Variants in RTP3 observed in about 807,000 individuals in gnomAD.
The protein encoded by RTP3 is receptor transporter protein 3, also known as receptor-transporting protein 3.
In RTP3, 2 loss-of-function variants were observed where a neutral mutation model predicts 6.2. The observed-to-expected ratio is 0.32, with a 90% confidence interval of 0.13 to 1.02. RTP3 has a LOEUF of 1.02. RTP3 is among the 50% of genes least tolerant of loss of function. The pLI is 0.47. For synonymous variants in RTP3, 106 were observed against 98.3 expected, an observed-to-expected ratio of 1.08 and a Z score of -0.47; for missense variants, 252 against 280.8, an observed-to-expected ratio of 0.90 and a Z score of 0.73.
intron 1 of RTP3, 49 bp from the exon 2 acceptor site, chr3:46,500,307 G>A (rs201696403): frequency 4.6e-6 from 7 of 1,534,296 alleles, no homozygotes; most frequent in East Asian, 2.3e-5. Flanking sequence ...GCAGTTCCCC[G>A]TGATTTGGTC....
In RTP3 at chr3:46,500,870, G is replaced by T. The variant is rs781418653; in HGVS notation, c.670G>T (p.Val224Leu). 1.9e-6 allele frequency: 3 copies of T among 1,585,156 alleles called. No individual in the cohort carries two copies. The highest frequency in any genetic ancestry group is 2.6e-6 in the Non-Finnish European group (3 of 1,168,376). Residue 224 changes from valine to leucine, a missense_variant, in exon 2 of 2, where the codon GTG becomes TTG. By Grantham distance (32) the Val-to-Leu change is conservative (BLOSUM62 1). Transcript: ENST00000296142. Reference sequence around the variant, plus strand: ...CTGTTGTGTCATTCTCATTGTTATCGTGGTGATTGTTGTAAAAACTGCTAT... The same window carrying T: ...CTGTTGTGTCATTCTCATTGTTATCTTGGTGATTGTTGTAAAAACTGCTAT... ...FCCCVILIVI[V>L]VIVVKTAI
chr3:46,500,469 C>T lies in RTP3; in HGVS notation c.269C>T (p.Thr90Ile). Residue 90 changes from threonine (T) to isoleucine (I), a missense_variant, in exon 2 of 2, where the codon ACC (threonine) becomes ATC (isoleucine). By Grantham distance (89) the Thr-to-Ile change is moderately conservative (BLOSUM62 -1). Coordinates refer to ENST00000296142, the MANE Select transcript of RTP3 (RefSeq NM_031440.2). ...SRGQVKMRVF[T>I]QRCKKCPQPL... ...GGCCAGGTGAAGATGAGGGTGTTTA[C>T]CCAGAGATGTAAGAAGTGCCCCCAA... The T allele has an allele frequency of 1.9e-6, 3 of 1,614,168 alleles. No homozygotes were observed. The highest frequency in any genetic ancestry group is 2.5e-6 in the Non-Finnish European group (3 of 1,180,024).
chr3:46,500,771 C>G lies in RTP3; in HGVS notation c.571C>G (p.Pro191Ala), dbSNP rs1703700098. 6.2e-7 allele frequency: 1 copy of G among 1,614,046 alleles called. No individual in the cohort carries two copies. Among genetic ancestry groups the G allele is most frequent in the Non-Finnish European group, 8.5e-7 (1 of 1,180,036 alleles). The change falls in exon 2 of 2, where the codon CCC becomes GCC. Residue 191 changes from proline to alanine, a missense_variant. Coordinates refer to ENST00000296142, the MANE Select transcript of RTP3 (RefSeq NM_031440.2). ...SIYKVEEVVK[P>A]WASGENVYSY... ...TTACAAGGTGGAGGAGGTAGTTAAG[C>G]CCTGGGCCTCAGGAGAGAATGTCTA...
Position 46,498,066 on chromosome 3 carries a change from G to C in RTP3, c.4G>C (p.Ala2Pro), listed in dbSNP as rs759583727. The change falls in exon 1 of 2, where the codon GCT (alanine) becomes CCT (proline). Residue 2 changes from alanine to proline, a missense_variant. Transcript: ENST00000296142. M[A>P]GDTEVWKQMF... is the part of the protein sequence containing the mutation. ...CAGGCACACCATAGCCCCAGAGATG[G>C]CTGGGGACACAGAAGTGTGGAAGCA... is the stretch of plus-strand genomic sequence containing the variant. 1.2e-6 allele frequency: 2 copies of C among 1,613,990 alleles called. No individual in the cohort carries two copies. The highest frequency in any genetic ancestry group is 1.3e-5 in the African/African-American group (1 of 74,928).
chr3:46,498,071 G>T lies in RTP3; in HGVS notation c.9G>T (p.Gly3=). ...ACACCATAGCCCCAGAGATGGCTGG[G>T]GACACAGAAGTGTGGAAGCAAATGT... MA[G]DTEVWKQMFQ... The change falls in exon 1 of 2, where the codon GGG becomes GGT. Residue 3 remains glycine (G), a synonymous_variant. Coordinates refer to ENST00000296142, the MANE Select transcript of RTP3 (RefSeq NM_031440.2). 1 of 1,614,124 alleles carries T rather than the reference G, an allele frequency of 6.2e-7. No homozygotes were observed. Among genetic ancestry groups the T allele is most frequent in the Non-Finnish European group, 8.5e-7 (1 of 1,180,028 alleles).
At position 46,500,382 on chromosome 3, in the gene RTP3, A is replaced by C. The variant is rs1438012011; in HGVS notation, c.182A>C (p.Asn61Thr). 6.2e-7 allele frequency: 1 copy of C among 1,612,710 alleles called. No individual in the cohort carries two copies. The highest frequency in any genetic ancestry group is 8.5e-7 in the Non-Finnish European group (1 of 1,179,584). Residue 61 changes from asparagine to threonine, a missense_variant, in exon 2 of 2, where the codon AAC becomes ACC. Transcript: ENST00000296142. Reference protein sequence around the residue: ...ARFQCSSCSRNWASAQVLVLF... With the variant: ...ARFQCSSCSRTWASAQVLVLF... The stretch of plus-strand genomic sequence containing the variant: ...TTCCAGTGCTCCTCCTGCTCTCGTA[A>C]CTGGGCCTCTGCCCAAGTTCTGGTC...
chr3:46,500,249 C>G (rs1349962750), intron 1 of RTP3, 107 bp from the exon 2 acceptor site: 1 of 1,240,144 alleles, frequency 8.1e-7, no homozygotes, highest in Non-Finnish European at 1.1e-6. Flanking sequence ...AGCCACAGCC[C>G]CAGTCAAGTC....
At chr3:46,499,619 G>T (rs1328203088) in intron 1 of RTP3, among the ~76,000 whole-genome samples, 2 of 152,154 alleles carry the variant, frequency 1.3e-5, no homozygotes, top group African/African-American at 2.4e-5. Flanking sequence ...CTCAAAAACT[G>T]CCCTCCTCCC....
Position 46,500,368 on chromosome 3 carries a change from C to T in RTP3, c.168C>T (p.Ser56=), listed in dbSNP as rs375275359. 2.3e-4 allele frequency: 376 copies of T among 1,609,296 alleles called. No individual in the cohort carries two copies. The highest frequency in any genetic ancestry group is 3.9e-4 in the Admixed American group (23 of 59,628). ...QQWTFARFQC[S]SCSRNWASAQ... ...TCTGTCTCCACAGGTTCCAGTGCTC[C>T]TCCTGCTCTCGTAACTGGGCCTCTG... The change falls in exon 2 of 2, where the codon TCC becomes TCT. Residue 56 remains serine, a synonymous_variant. Transcript: ENST00000296142.
At chr3:46,499,151 A>G (rs868282571) in intron 1 of RTP3, among the ~76,000 whole-genome samples, 6 of 152,220 alleles carry the variant, frequency 3.9e-5, no homozygotes, top group African/African-American at 1.2e-4. Context: ...GCTAGAGTCA[A>G]GATACAGGAG....
At chr3:46,498,575 A>G (rs1321097345) in intron 1 of RTP3, among the ~76,000 whole-genome samples, 1 of 152,120 alleles carries the variant, frequency 6.6e-6, no homozygotes, top group Admixed American at 6.5e-5. Flanking sequence ...CCCACCTTGG[A>G]GCCCCTAGGA....
chr3:46,498,303 T>C, intron 1 of RTP3, 86 bp downstream of exon 1: 1 of 1,462,662 alleles, frequency 6.8e-7, no homozygotes, highest in Non-Finnish European at 9.5e-7. Flanking sequence ...TGTTCTATTC[T>C]GTGCTTTCAA....
Position 46,498,090 on chromosome 3 carries a change from C to A in RTP3, c.28C>A (p.Gln10Lys). Residue 10 changes from glutamine to lysine, a missense_variant, in exon 1 of 2, where the codon CAA (glutamine) becomes AAA (lysine). By Grantham distance (53) the Gln-to-Lys change is moderately conservative. Transcript: ENST00000296142. The part of the protein sequence containing the change: MAGDTEVWK[Q>K]MFQELMREVK... ...GGCTGGGGACACAGAAGTGTGGAAG[C>A]AAATGTTTCAGGAGTTAATGCGGGA... 1 of 1,614,180 alleles carries A rather than the reference C, an allele frequency of 6.2e-7. No individual in the cohort carries two copies.
At position 46,500,426 on chromosome 3, in the gene RTP3, A is replaced by C. The variant is rs1703693077; in HGVS notation, c.226A>C (p.Ser76Arg). 6.2e-7 allele frequency: 1 copy of C among 1,614,100 alleles called. No homozygotes were observed. Among genetic ancestry groups the C allele is most frequent in the Non-Finnish European group, 8.5e-7 (1 of 1,180,020 alleles). The change falls in exon 2 of 2, where the codon AGT (serine) becomes CGT (arginine). Residue 76 changes from serine to arginine, a missense_variant. Ser to Arg is a moderately radical substitution (Grantham distance 110, BLOSUM62 -1). Coordinates refer to ENST00000296142, the MANE Select transcript of RTP3 (RefSeq NM_031440.2). ...TCTGGTCCTTTTCCACATGAACTGG[A>C]GTGAGGAGAAGTCCAGGGGCCAGGT... ...QVLVLFHMNW[S>R]EEKSRGQVKM...
chr3:46,498,564 A>G (rs916797100), intron 1 of RTP3, among the ~76,000 whole-genome samples: 4 of 152,040 alleles, frequency 2.6e-5, no homozygotes, highest in Non-Finnish European at 4.4e-5. Context: ...AGACTGCTGG[A>G]CCCACCTTGG....
chr3:46,500,215 T>G (rs1703690427), intron 1 of RTP3, 141 bp from the exon 2 acceptor site: 1 of 841,726 alleles, frequency 1.2e-6, no homozygotes, highest in South Asian at 1.7e-5. Flanking sequence ...GGGAAAGAGG[T>G]CTTAGCAATT....
intron 1 of RTP3, among the ~76,000 whole-genome samples, 160 bp downstream of exon 1, chr3:46,498,377 T>C (rs1703671299): frequency 6.6e-6 from 1 of 152,210 alleles, no homozygotes; most frequent in Non-Finnish European, 1.5e-5. Context: ...TAAAGATCGT[T>C]TTTTCACTAT....
At chr3:46,500,092 C>T (rs1006069507) in intron 1 of RTP3, among the ~76,000 whole-genome samples, 2 of 152,082 alleles carry the variant, frequency 1.3e-5, no homozygotes, top group South Asian at 2.1e-4. Flanking sequence ...CTAAAATGGA[C>T]GTGTTGGACT....
At chr3:46,499,979 T>C (rs892740864) in intron 1 of RTP3, among the ~76,000 whole-genome samples, 1 of 152,196 alleles carries the variant, frequency 6.6e-6, no homozygotes, top group African/African-American at 2.4e-5. Flanking sequence ...AATCTACATT[T>C]GAAGAAGCTT....
Sources: gnomAD v4.1 joint callset for allele counts (sites outside exome capture counted in the v4.1 genomes callset) on GRCh38, gnomAD v4.1.1 for gene constraint, MANE v1.5 for transcripts, NCBI Gene and HGNC (gene_info 2026-07-23, HGNC 2026-07-21) for gene names.